Variants in SYCP1 observed in about 807,000 individuals in gnomAD.
The protein encoded by SYCP1 is cancer/testis antigen 8.
Under a neutral mutation model 153.1 loss-of-function variants are expected in SYCP1, and 64 were observed. That is an observed-to-expected ratio of 0.42 (90% CI 0.34 to 0.51). The LOEUF (loss-of-function observed/expected upper bound fraction) is 0.51. Ranked by LOEUF, SYCP1 falls within the 20% of genes least tolerant of loss-of-function variation. The probability of loss-of-function intolerance (pLI) is 0.06; values close to 1 mark genes in which losing one functional copy is unlikely to be tolerated. For synonymous variants in SYCP1, 384 were observed against 341.8 expected (o/e 1.12, Z -1.36); for missense variants, 997 against 1,049.0 (o/e 0.95, Z 0.68).
chr1:114,941,237 A>G (rs1670367798), intron 23 of SYCP1, among the ~76,000 whole-genome samples: 1 of 152,138 alleles, frequency 6.6e-6, no homozygotes, highest in Non-Finnish European at 1.5e-5. Context: ...TGCAGTTCAA[A>G]CCCATGTTGT....
intron 16 of SYCP1, among the ~76,000 whole-genome samples, chr1:114,900,291 T>G (rs1667340644): frequency 6.6e-6 from 1 of 152,304 alleles, no homozygotes; most frequent in South Asian, 2.1e-4. Context: ...TATAACATTT[T>G]TTTTTTTGAG....
At chr1:114,859,005 T>G (rs545972463) in intron 6 of SYCP1, among the ~76,000 whole-genome samples, 1 of 152,354 alleles carries the variant, frequency 6.6e-6, no homozygotes, top group African/African-American at 2.4e-5. Flanking sequence ...TTTTTATTCC[T>G]ATTGATGTTT....
chr1:114,989,452 C>A (rs1036113354), intron 30 of SYCP1, among the ~76,000 whole-genome samples: 3 of 151,794 alleles, frequency 2.0e-5, no homozygotes, highest in Admixed American at 6.6e-5. Flanking sequence ...ATAATGGAGA[C>A]AAAACCCTAT....
rs148600989 is a variant in SYCP1, at chr1:114,886,434, G to C, written c.1190+125G>C. ...TAATTCATATAACAACTGTAGTCAG[G>C]TCTCATGTATAAAGTGGGAATACAT... is the stretch of plus-strand genomic sequence containing the variant. On this transcript the variant is annotated intron_variant, in intron 14 of 31. Coordinates refer to ENST00000369522, the MANE Select transcript of SYCP1 (RefSeq NM_003176.4). 254 of 763,428 alleles carry C rather than the reference G, an allele frequency of 3.3e-4. 2 individuals are homozygous for C. The East Asian group carries it at 7.9e-3, about 24-fold the overall frequency. 47.3% of individuals were successfully genotyped at this position (763,428 alleles called of 1,614,324 possible).
At chr1:114,987,384 G>C (rs965179315) in intron 30 of SYCP1, among the ~76,000 whole-genome samples, 5 of 151,988 alleles carry the variant, frequency 3.3e-5, no homozygotes, top group Non-Finnish European at 7.4e-5. Flanking sequence ...TCAACAACAA[G>C]GGCCAGGCAC....
intron 17 of SYCP1, among the ~76,000 whole-genome samples, chr1:114,911,202 AATT>A (rs958357069): frequency 8.6e-5 from 13 of 151,998 alleles, no homozygotes; most frequent in African/African-American, 3.1e-4. Flanking sequence ...TTTTAATAGA[AATT>A]AGTTACTTGG....
chr1:114,934,892 C>T (rs1182880083), intron 23 of SYCP1, among the ~76,000 whole-genome samples: 1 of 152,156 alleles, frequency 6.6e-6, no homozygotes. Flanking sequence ...TACAGGAGCA[C>T]CCAGATTCAT....
intron 23 of SYCP1, among the ~76,000 whole-genome samples, chr1:114,931,984 AT>A (rs1024088428): frequency 7.0e-4 from 107 of 152,326 alleles, no homozygotes; most frequent in African/African-American, 2.4e-3. Flanking sequence ...TCAACAAATG[AT>A]TTGGAATAAC....
chr1:114,958,016 A>C (rs1671545211), intron 27 of SYCP1, among the ~76,000 whole-genome samples: 1 of 152,248 alleles, frequency 6.6e-6, no homozygotes, highest in Non-Finnish European at 1.5e-5. Context: ...CACAATTGCC[A>C]AAATATGGAA....
chr1:114,883,966 C>T (rs1224639417), intron 12 of SYCP1, among the ~76,000 whole-genome samples: 4 of 152,202 alleles, frequency 2.6e-5, no homozygotes, highest in Admixed American at 6.5e-5. Flanking sequence ...GCTGGGATTA[C>T]AGGCATGAAC....
chr1:114,957,737 T>C (rs1671530178), intron 27 of SYCP1, among the ~76,000 whole-genome samples: 1 of 152,112 alleles, frequency 6.6e-6, no homozygotes, highest in African/African-American at 2.4e-5. Context: ...CAATGAGATA[T>C]AACCTCACAC....
rs751989181 is a variant in SYCP1 at position 114,886,329 on chromosome 1, T to C, written c.1190+20T>C. 1.3e-6 allele frequency: 2 copies of C among 1,485,964 alleles called. No homozygotes were observed. The highest frequency in any genetic ancestry group is 2.8e-5 in the South Asian group (2 of 70,276). 92.0% of individuals were successfully genotyped at this position (1,485,964 alleles called of 1,614,324 possible). A position where few individuals can be genotyped will look rare whatever the true frequency, so the allele number is the denominator to read the frequency against. On this transcript the variant is annotated intron_variant, in intron 14 of 31. Transcript: ENST00000369522. ...GCAAAGGTAAAATATTTATTATTTT[T>C]AATACACAAAATAAGTGAATAAAAA...
intron 27 of SYCP1, among the ~76,000 whole-genome samples, chr1:114,967,085 T>G (rs1672176720): frequency 6.6e-6 from 1 of 152,208 alleles, no homozygotes. Flanking sequence ...GAGGGTGTTT[T>G]ATTTCCAATT....
chr1:114,879,027 AG>A (rs1455908749), intron 12 of SYCP1, among the ~76,000 whole-genome samples: 2 of 152,188 alleles, frequency 1.3e-5, no homozygotes, highest in Non-Finnish European at 2.9e-5. Context: ...TCATGGAAGT[AG>A]GAATGTTAGG....
At chr1:114,971,869 T>C (rs1672508714) in intron 27 of SYCP1, among the ~76,000 whole-genome samples, 1 of 152,140 alleles carries the variant, frequency 6.6e-6, no homozygotes, top group Non-Finnish European at 1.5e-5. Context: ...TATGGGCCTT[T>C]AGTTTTCTTT....
intron 30 of SYCP1, among the ~76,000 whole-genome samples, chr1:114,989,330 A>T (rs188620042): frequency 1.2e-4 from 18 of 152,142 alleles, no homozygotes; most frequent in Admixed American, 8.5e-4. Context: ...TGGTAACTAC[A>T]ATGAAATTAT....
chr1:114,983,357 G>A (rs1205946327), intron 29 of SYCP1, among the ~76,000 whole-genome samples: 7 of 151,846 alleles, frequency 4.6e-5, no homozygotes, highest in African/African-American at 1.2e-4. Context: ...ACTGCTTCAC[G>A]TTGCTGCAAA....
intron 28 of SYCP1, among the ~76,000 whole-genome samples, chr1:114,981,030 T>G (rs917825818): frequency 2.6e-5 from 4 of 151,910 alleles, no homozygotes; most frequent in African/African-American, 9.7e-5. Flanking sequence ...TGAGTCCATG[T>G]GGTATTTGGC....
At chr1:114,965,588 A>C (rs975163538) in intron 27 of SYCP1, among the ~76,000 whole-genome samples, 7 of 152,188 alleles carry the variant, frequency 4.6e-5, no homozygotes, top group Non-Finnish European at 8.8e-5. Flanking sequence ...ATTTTATCGA[A>C]GGCCTTTTCT....
Sources: allele counts gnomAD v4.1 joint callset (sites outside exome capture counted in the v4.1 genomes callset), GRCh38; gene constraint gnomAD v4.1.1; transcripts MANE v1.5; gene names NCBI Gene and HGNC (gene_info 2026-07-23, HGNC 2026-07-21).